Variants in ZNF429 observed in about 807,000 individuals in gnomAD.
ZNF429 encodes the protein zinc finger protein 429.
ZNF429 carries 53 observed loss-of-function variants against 56.8 expected under a neutral mutation model. The ratio of observed to expected loss-of-function variants is 0.93; its 90% confidence interval spans 0.75 to 1.17. The LOEUF (loss-of-function observed/expected upper bound fraction) is 1.17. ZNF429 is among the 50% of genes most tolerant of loss of function. The pLI, the probability that ZNF429 is intolerant of heterozygous loss-of-function variation, is 0.00. For missense variants in ZNF429, 849 were observed against 788.4 expected (o/e 1.08, Z -0.92); for synonymous variants, 278 against 264.7 (o/e 1.05, Z -0.49).
At chr19:21,534,175 G>C in intron 3 of ZNF429, among the ~76,000 whole-genome samples, 1 of 149,038 alleles carries the variant, frequency 6.7e-6, no homozygotes, top group Non-Finnish European at 1.5e-5. Flanking sequence ...GGATTGTTTA[G>C]GGATTATATT....
In ZNF429 at chr19:21,540,184, A is replaced by G. The variant is rs2033871675; in HGVS notation, c.*2106A>G. ...TTTTATTTGTTACCATGTTAAGACT[A>G]TTGTGCATTTAATGAAGCATTATTA... On this transcript the variant is annotated 3_prime_UTR_variant, in exon 4 of 4. Transcript: ENST00000358491. Among the ~76,000 whole-genome samples the G allele has an allele frequency of 6.6e-6, 1 of 152,158 alleles. No homozygotes were observed. Among genetic ancestry groups the G allele is most frequent in the Non-Finnish European group, 1.5e-5 (1 of 68,026 alleles).
Position 21,505,781 on chromosome 19 carries a change from G to A in ZNF429, c.3+7G>A. The A allele has an allele frequency of 6.2e-7, 1 of 1,611,594 alleles. No individual in the cohort carries two copies. Among genetic ancestry groups the A allele is most frequent in the Non-Finnish European group, 8.5e-7 (1 of 1,178,384 alleles). On this transcript the variant is annotated splice_region_variant and intron_variant, in intron 1 of 3. Coordinates refer to ENST00000358491, the MANE Select transcript of ZNF429 (RefSeq NM_001001415.4). Reference sequence around the variant, plus strand: ...CCCTGGAAGCCTAGAAATGGTGAGAGTGCCGAGTCTGACATCCCCAGAGAG... The same window carrying A: ...CCCTGGAAGCCTAGAAATGGTGAGAATGCCGAGTCTGACATCCCCAGAGAG...
At chr19:21,533,016 T>C in intron 3 of ZNF429, among the ~76,000 whole-genome samples, 2 of 151,264 alleles carry the variant, frequency 1.3e-5, no homozygotes, top group African/African-American at 4.9e-5. Flanking sequence ...TTTTTTCATT[T>C]CTAAGTATTT....
intron 1 of ZNF429, among the ~76,000 whole-genome samples, chr19:21,516,111 C>T (rs2032727697): frequency 6.6e-6 from 1 of 151,906 alleles, no homozygotes; most frequent in Non-Finnish European, 1.5e-5. Context: ...CTTAATTCCC[C>T]AGGCTGGAGT....
intron 1 of ZNF429, among the ~76,000 whole-genome samples, chr19:21,516,985 T>C (rs929058157): frequency 6.6e-6 from 1 of 152,226 alleles, no homozygotes; most frequent in African/African-American, 2.4e-5. Context: ...CTATGTTGAA[T>C]AAAAGTAGTG....
intron 1 of ZNF429, among the ~76,000 whole-genome samples, chr19:21,511,227 C>T (rs1025270876): frequency 3.3e-5 from 5 of 151,762 alleles, no homozygotes; most frequent in Non-Finnish European, 7.4e-5. Context: ...CCACCTCCCT[C>T]CCGGACGGGG....
At chr19:21,507,888 A>G (rs978026662) in intron 1 of ZNF429, among the ~76,000 whole-genome samples, 6 of 152,166 alleles carry the variant, frequency 3.9e-5, no homozygotes, top group African/African-American at 1.4e-4. Flanking sequence ...CTGGTCACCC[A>G]ATCAAATGCT....
Position 21,538,025 on chromosome 19 carries a change from G to C in ZNF429, c.1972G>C (p.Gly658Arg). The change falls in exon 4 of 4, where the codon GGA becomes CGA. Residue 658 changes from glycine (G) to arginine (R), a missense_variant. Gly to Arg is a moderately radical substitution (Grantham distance 125). Coordinates refer to ENST00000358491, the MANE Select transcript of ZNF429 (RefSeq NM_001001415.4). ...VAHACNPSTL[G>R]GRGGRITRSG... ...TCATGCCTGTAATCCCAGCACTTTG[G>C]GAGGCAGAGGTGGGCGGATCACGAG... 3 of 1,605,868 alleles carry C rather than the reference G, an allele frequency of 1.9e-6. No homozygotes were observed. Among genetic ancestry groups the C allele is most frequent in the Non-Finnish European group, 2.6e-6 (3 of 1,173,400 alleles).
At chr19:21,511,219 A>C in intron 1 of ZNF429, among the ~76,000 whole-genome samples, 1 of 148,868 alleles carries the variant, frequency 6.7e-6, no homozygotes, top group East Asian at 2.0e-4. Context: ...CTGACCCCCC[A>C]CCTCCCTCCC....
chr19:21,535,437 T>C lies in ZNF429; in HGVS notation c.227-843T>C. On this transcript the variant is annotated intron_variant, in intron 3 of 3. Coordinates refer to ENST00000358491, the MANE Select transcript of ZNF429 (RefSeq NM_001001415.4). The stretch of plus-strand genomic sequence containing the variant: ...TTTTCTTTCTTTCTTTCTTTCTTTC[T>C]TTCTTTCTTTCTTTCTTTCTTTCTT... 1.2e-3 allele frequency among the ~76,000 whole-genome samples: 58 copies of C among 49,744 alleles called. 13 individuals are homozygous for C. Among genetic ancestry groups the C allele is most frequent in the African/African-American group, 6.8e-3 (58 of 8,538 alleles). 32.6% of individuals were successfully genotyped at this position (49,744 alleles called of 152,430 possible).
At chr19:21,505,909 G>C in intron 1 of ZNF429, 135 bp downstream of exon 1, 1 of 960,236 alleles carries the variant, frequency 1.0e-6, no homozygotes, top group Non-Finnish European at 1.6e-6. Context: ...GCCCAGCTCG[G>C]CTTCAGTCCC....
chr19:21,524,155 G>C (rs934738657), intron 1 of ZNF429, among the ~76,000 whole-genome samples: 1 of 152,206 alleles, frequency 6.6e-6, no homozygotes, highest in African/African-American at 2.4e-5. Flanking sequence ...GTCAGATTCA[G>C]TAAGTGTAAA....
rs369566652 is a variant in ZNF429, at chr19:21,537,562, T to C, written c.1509T>C (p.His503=). 1.6e-5 allele frequency: 26 copies of C among 1,613,490 alleles called. No individual in the cohort carries two copies. Among genetic ancestry groups the C allele is most frequent in the Non-Finnish European group, 2.0e-5 (24 of 1,179,964 alleles). The change falls in exon 4 of 4, where the codon CAT becomes CAC. Residue 503 remains histidine (H), a synonymous_variant. Transcript: ENST00000358491. The part of the protein sequence containing the change: ...SSNLNSHKKI[H]SGEKPYKCEE... ...ACCTTAACAGTCATAAAAAAATTCA[T>C]AGTGGAGAGAAACCCTACAAATGTG...
At position 21,538,298 on chromosome 19, in the gene ZNF429, AAG is replaced by A. The variant is rs1555748848; in HGVS notation, c.*222_*223del. On this transcript the variant is annotated 3_prime_UTR_variant, in exon 4 of 4. Transcript: ENST00000358491. ...ATCTCAAAAAAAAAAAAAAAAAAAA[AAG>A]AAAAGAAAATTCATAGGCCAGGTAT... Among the ~76,000 whole-genome samples, 1,717 of 143,022 alleles carry A rather than the reference AAG, an allele frequency of 0.012. 41 individuals carry two copies. The highest frequency in any genetic ancestry group is 0.044 in the African/African-American group (1,647 of 37,236). 93.8% of individuals were successfully genotyped at this position (143,022 alleles called of 152,430 possible).
At chr19:21,522,539 T>C (rs1341281363) in intron 1 of ZNF429, among the ~76,000 whole-genome samples, 1 of 152,174 alleles carries the variant, frequency 6.6e-6, no homozygotes, top group Non-Finnish European at 1.5e-5. Flanking sequence ...TATAAACATA[T>C]TAGGTGCCAG....
chr19:21,536,733 AAC>A lies in ZNF429; in HGVS notation c.683_684del (p.His228LeufsTer4). On this transcript the variant is annotated frameshift_variant, in exon 4 of 4. Transcript: ENST00000358491. LOFTEE classifies it high-confidence loss of function. ...CATAAGAGAATTTATGTTGGTGAGA[AAC>A]ACTACAGATGTGAAGAATGTGGCAA... 1 of 1,614,058 alleles carries A rather than the reference AAC, an allele frequency of 6.2e-7. No individual in the cohort carries two copies. Among genetic ancestry groups the A allele is most frequent in the Non-Finnish European group, 8.5e-7 (1 of 1,180,024 alleles).
rs530739342 is a variant in ZNF429 at position 21,511,072 on chromosome 19, A to AC, written c.3+5301dup. Among the ~76,000 whole-genome samples the AC allele has an allele frequency of 7.2e-5, 11 of 152,192 alleles. No homozygotes were observed. In the East Asian group the frequency reaches 1.9e-3, roughly 27 times the overall value. On this transcript the variant is annotated intron_variant, in intron 1 of 3. Transcript: ENST00000358491. Reference sequence around the variant, plus strand: ...CCACAAAACCGCCATTGTCATCATGACCCGTTCTCAATGAGCTGTTGGGTA... The same window carrying AC: ...CCACAAAACCGCCATTGTCATCATGACCCCGTTCTCAATGAGCTGTTGGGTA...
chr19:21,505,854 G>T, intron 1 of ZNF429, 80 bp downstream of exon 1: 1 of 1,514,688 alleles, frequency 6.6e-7, no homozygotes, highest in Middle Eastern at 1.7e-4. Context: ...GCGGACTTAG[G>T]TCTCCCGGCA....
At chr19:21,535,449 TTTCTTTC>T in intron 3 of ZNF429, among the ~76,000 whole-genome samples, 3 of 102,692 alleles carry the variant, frequency 2.9e-5, no homozygotes, top group Non-Finnish European at 5.6e-5. Flanking sequence ...TCTTTCTTTC[TTTCTTTC>T]TTTCTTTCTT....
Sources: allele counts gnomAD v4.1 joint callset (sites outside exome capture counted in the v4.1 genomes callset), GRCh38; gene constraint gnomAD v4.1.1; transcripts MANE v1.5; gene names NCBI Gene and HGNC (gene_info 2026-07-23, HGNC 2026-07-21).